Variants in PTPN14 observed in about 807,000 individuals in gnomAD.
PTPN14 encodes tyrosine-protein phosphatase non-receptor type 14.
In PTPN14, 53 loss-of-function variants were observed where a neutral mutation model predicts 126.8. The observed-to-expected ratio is 0.42, with a 90% CI of 0.34 to 0.53. The LOEUF (loss-of-function observed/expected upper bound fraction) is 0.53, where lower values mean the gene tolerates loss of function less well. Among genes scored for constraint, PTPN14 ranks in the 20% least tolerant of loss-of-function variants. PTPN14 has a pLI of 0.08. For synonymous variants in PTPN14, 630 were observed against 599.3 expected, an observed-to-expected ratio of 1.05 and a Z score of -0.75; for missense variants, 1,257 against 1,552.9, an observed-to-expected ratio of 0.81 and a Z score of 3.20.
chr1:214,536,053 C>T lies in PTPN14; in HGVS notation c.-155+15130G>A, dbSNP rs143981252. ...ATCATTTTCACTATCATCTTCTATG[C>T]GATAGCAAGAAATGTAAAATGTGCA... On this transcript the variant is annotated intron_variant, in intron 1 of 18. Transcript: ENST00000366956. Among the ~76,000 whole-genome samples the T allele has an allele frequency of 4.4e-3, 668 of 151,554 alleles. 4 individuals are homozygous for T. Among genetic ancestry groups the T allele is most frequent in the African/African-American group, 0.015 (639 of 41,290 alleles).
At chr1:214,522,487 G>A (rs1195702744) in intron 1 of PTPN14, among the ~76,000 whole-genome samples, 1 of 152,184 alleles carries the variant, frequency 6.6e-6, no homozygotes, top group African/African-American at 2.4e-5. Flanking sequence ...AAAGGAACAA[G>A]CAGGATACAA....
chr1:214,509,587 T>A (rs990903321), intron 1 of PTPN14, among the ~76,000 whole-genome samples: 1 of 152,206 alleles, frequency 6.6e-6, no homozygotes, highest in Non-Finnish European at 1.5e-5. Context: ...TTCACTGGAG[T>A]GGCAATTTTT....
At chr1:214,504,461 C>T (rs531895395) in intron 1 of PTPN14, among the ~76,000 whole-genome samples, 1 of 152,262 alleles carries the variant, frequency 6.6e-6, no homozygotes, top group East Asian at 1.9e-4. Context: ...CCAAAACTGC[C>T]TTCTGCCCTC....
intron 1 of PTPN14, among the ~76,000 whole-genome samples, chr1:214,541,550 C>T (rs1249708979): frequency 1.3e-5 from 2 of 152,112 alleles, no homozygotes; most frequent in Non-Finnish European, 2.9e-5. Flanking sequence ...AGGCCAATGA[C>T]GGAATTAAAT....
chr1:214,461,459 C>T (rs1170477245), intron 2 of PTPN14, among the ~76,000 whole-genome samples: 2 of 151,392 alleles, frequency 1.3e-5, no homozygotes, highest in Non-Finnish European at 2.9e-5. Context: ...ACAGTGAGAT[C>T]CCATCCGTAC....
rs1424577013 is a variant in PTPN14 at position 214,383,180 on chromosome 1, G to A, written c.2544+131C>T. On this transcript the variant is annotated intron_variant, in intron 13 of 18. Transcript: ENST00000366956. The surrounding 1 kb of genome is among the most constrained non-coding windows in gnomAD (Gnocchi z 4.4). ...AAAACTCAACATTTTGTGTAATAAA[G>A]TACTACCTTTTAAATGCTCAATGAT... 15 of 1,184,576 alleles carry A rather than the reference G, an allele frequency of 1.3e-5. No homozygotes were observed. In the East Asian group the frequency reaches 1.4e-4, roughly 11 times the overall value. 73.4% of individuals were successfully genotyped at this position (1,184,576 alleles called of 1,614,324 possible).
chr1:214,414,402 A>C (rs1659379455), intron 4 of PTPN14, among the ~76,000 whole-genome samples: 1 of 152,172 alleles, frequency 6.6e-6, no homozygotes, highest in African/African-American at 2.4e-5. Flanking sequence ...CTCATATAAA[A>C]CTGTAATTAT....
intron 7 of PTPN14, among the ~76,000 whole-genome samples, chr1:214,400,004 G>T (rs2102561871): frequency 1.3e-5 from 2 of 150,742 alleles, no homozygotes; most frequent in Middle Eastern, 6.8e-3. Context: ...TTTGAGCAGG[G>T]GGTTCTTCTT....
intron 3 of PTPN14, among the ~76,000 whole-genome samples, chr1:214,435,202 G>A (rs1659884705): frequency 6.6e-6 from 1 of 151,996 alleles, no homozygotes; most frequent in South Asian, 2.1e-4. Flanking sequence ...GGGCCAGGAT[G>A]AAAAGAAGTA....
At chr1:214,493,092 A>G (rs2102420400) in intron 1 of PTPN14, among the ~76,000 whole-genome samples, 1 of 152,204 alleles carries the variant, frequency 6.6e-6, no homozygotes, top group Non-Finnish European at 1.5e-5. Flanking sequence ...CCTAAGTGGG[A>G]AAGCAAGACA....
chr1:214,540,404 G>A (rs1476272264), intron 1 of PTPN14, among the ~76,000 whole-genome samples: 1 of 152,202 alleles, frequency 6.6e-6, no homozygotes, highest in African/African-American at 2.4e-5. Flanking sequence ...GGCTTGAGCT[G>A]TCACCACTGA....
intron 1 of PTPN14, among the ~76,000 whole-genome samples, chr1:214,502,908 A>G (rs1404486210): frequency 6.6e-6 from 1 of 152,206 alleles, no homozygotes; most frequent in Non-Finnish European, 1.5e-5. Context: ...AAGATCTTAG[A>G]AAAATTAAGT....
intron 3 of PTPN14, among the ~76,000 whole-genome samples, chr1:214,439,174 A>G (rs1162578982): frequency 2.0e-5 from 3 of 152,188 alleles, no homozygotes; most frequent in East Asian, 3.8e-4. Context: ...GATTCCAACA[A>G]TCATTCAAAA....
intron 1 of PTPN14, among the ~76,000 whole-genome samples, chr1:214,484,227 C>CTATAA (rs1661063193): frequency 6.6e-6 from 1 of 152,110 alleles, no homozygotes; most frequent in Admixed American, 6.6e-5. Context: ...AACACAGTAT[C>CTATAA]ACCTAGTCTC....
chr1:214,462,099 C>T (rs1380282582), intron 2 of PTPN14, among the ~76,000 whole-genome samples: 1 of 152,098 alleles, frequency 6.6e-6, no homozygotes, highest in African/African-American at 2.4e-5. Context: ...TGTTATCTGT[C>T]ATGGAAGGAA....
At chr1:214,485,117 C>T (rs189798440) in intron 1 of PTPN14, among the ~76,000 whole-genome samples, 52 of 152,314 alleles carry the variant, frequency 3.4e-4, no homozygotes, top group African/African-American at 1.2e-3. Flanking sequence ...ATTATTAGTG[C>T]TGCTAATTAT....
chr1:214,433,946 ACACAC>A (rs1480484926), intron 3 of PTPN14, among the ~76,000 whole-genome samples: 1 of 15,460 alleles, frequency 6.5e-5, no homozygotes, highest in Admixed American at 5.8e-4. Context: ...ACACACACAC[ACACAC>A]AAAAAAAAAA....
Position 214,383,649 on chromosome 1 carries a change from G to A in PTPN14, c.2206C>T (p.Gln736Ter), listed in dbSNP as rs1658526950. 2 of 1,613,304 alleles carry A rather than the reference G, an allele frequency of 1.2e-6. No individual in the cohort carries two copies. The highest frequency in any genetic ancestry group is 1.1e-5 in the South Asian group (1 of 91,090). Residue 736 changes from glutamine (Q) to a stop codon, truncating the protein, a stop_gained, in exon 13 of 19, where the codon CAG becomes TAG. Coordinates refer to ENST00000366956, the MANE Select transcript of PTPN14 (RefSeq NM_005401.5). LOFTEE classifies it high-confidence loss of function. The surrounding 1 kb of genome is among the most constrained non-coding windows in gnomAD (Gnocchi z 4.4). ...MLREKMEYSA[Q>*]LQAALARIPN... Reference sequence around the variant, plus strand: ...ATGCGGGCCAGGGCCGCCTGCAGCTGGGCACTGTACTCCATCTTCTCCCGG... The same window carrying A: ...ATGCGGGCCAGGGCCGCCTGCAGCTAGGCACTGTACTCCATCTTCTCCCGG...
chr1:214,549,749 G>T (rs549537689), intron 1 of PTPN14, among the ~76,000 whole-genome samples: 1 of 151,372 alleles, frequency 6.6e-6, no homozygotes, highest in Admixed American at 6.6e-5. Context: ...AAATGTAGAT[G>T]ATCATACAAC....
Sources: gnomAD v4.1 joint callset for allele counts (sites outside exome capture counted in the v4.1 genomes callset) on GRCh38, gnomAD v4.1.1 for gene constraint, Gnocchi (gnomAD v3.1) non-coding constraint, MANE v1.5 for transcripts, NCBI Gene and HGNC (gene_info 2026-07-23, HGNC 2026-07-21) for gene names.